FSD1L: variants seen among roughly 807,000 people sequenced by gnomAD.
FSD1L encodes FSD1-like protein.
Under a neutral mutation model 71.6 loss-of-function variants are expected in FSD1L, and 45 were observed. The observed-to-expected ratio is 0.63, with a 90% confidence interval of 0.49 to 0.81. The LOEUF (loss-of-function observed/expected upper bound fraction) is 0.81, where lower values mean the gene tolerates loss of function less well. Among genes scored for constraint, FSD1L ranks in the 30% least tolerant of loss-of-function variants. The probability of loss-of-function intolerance (pLI) is 0.00; values close to 1 mark genes in which losing one functional copy is unlikely to be tolerated. For synonymous variants in FSD1L, 197 were observed against 207.2 expected (o/e 0.95, Z 0.42); for missense variants, 561 against 618.1 (o/e 0.91, Z 0.98).
chr9:105,485,850 A>T (rs898267740), intron 7 of FSD1L, among the ~76,000 whole-genome samples: 1 of 151,836 alleles, frequency 6.6e-6, no homozygotes, highest in Non-Finnish European at 1.5e-5. Flanking sequence ...TCACCATGTT[A>T]GCCTGGATGG....
chr9:105,529,390 T>TA (rs1835746749), intron 10 of FSD1L, among the ~76,000 whole-genome samples: 3 of 152,128 alleles, frequency 2.0e-5, no homozygotes, highest in African/African-American at 7.2e-5. Flanking sequence ...CCATCAATGA[T>TA]AGACTGGATA....
chr9:105,445,881 TG>T (rs558791965), upstream of FSD1L, among the ~76,000 whole-genome samples: 7 of 152,296 alleles, frequency 4.6e-5, 1 homozygote, highest in South Asian at 1.5e-3. Context: ...TTTGAAGGAC[TG>T]CATGCCACTA....
chr9:105,468,172 T>G, intron 3 of FSD1L, 21 bp from the exon 4 acceptor site: 1 of 1,357,182 alleles, frequency 7.4e-7, no homozygotes, highest in East Asian at 3.1e-5. Flanking sequence ...GTAAAATTGT[T>G]TTGTTTTGTT....
chr9:105,523,941 C>G (rs1055498335), intron 10 of FSD1L: 40 of 1,591,010 alleles, frequency 2.5e-5, no homozygotes, highest in Middle Eastern at 2.2e-4. Flanking sequence ...TCTCAATGCA[C>G]CAAGAGTAGA....
rs11320443 is a variant in FSD1L, at chr9:105,508,174, CTTT to C, written c.797-424_797-422del. ...CCACTGCGCCCGACCACATATCACT[CTTT>C]TTTTTTTTTTTTTTTTTTGAGACAG... On this transcript the variant is annotated intron_variant, in intron 8 of 13. Coordinates refer to ENST00000481272, the MANE Select transcript of FSD1L (RefSeq NM_001145313.3). Among the ~76,000 whole-genome samples, 30 of 100,464 alleles carry C rather than the reference CTTT, an allele frequency of 3.0e-4. No individual in the cohort carries two copies. The South Asian group carries it at 5.2e-3, about 17-fold the overall frequency. The allele number at this position is 100,464 out of a possible 152,430, so 65.9% of individuals were successfully genotyped here. A position where few individuals can be genotyped will look rare whatever the true frequency, so the allele number is the denominator to read the frequency against.
intron 7 of FSD1L, among the ~76,000 whole-genome samples, chr9:105,504,847 G>A (rs1319305379): frequency 2.0e-5 from 3 of 152,148 alleles, no homozygotes; most frequent in South Asian, 4.1e-4. Flanking sequence ...GATTGAATCC[G>A]TGGATACAGA....
At chr9:105,477,287 A>G (rs1036441889) in intron 5 of FSD1L, among the ~76,000 whole-genome samples, 18 of 152,222 alleles carry the variant, frequency 1.2e-4, no homozygotes, top group African/African-American at 1.7e-4. Flanking sequence ...AAAAAAACTG[A>G]TAAGAGGCCA....
intron 7 of FSD1L, among the ~76,000 whole-genome samples, chr9:105,494,941 G>T (rs1301141573): frequency 1.3e-5 from 2 of 152,178 alleles, no homozygotes; most frequent in South Asian, 4.1e-4. Context: ...TAGGCTGCTC[G>T]GGGGTCAGGG....
rs781302444 is a variant in FSD1L, at chr9:105,468,271, A to G, written c.286A>G (p.Ser96Gly). The change falls in exon 4 of 14, where the codon AGT becomes GGT. Residue 96 changes from serine to glycine, a missense_variant. Physicochemically the swap from Ser to Gly is moderately conservative, Grantham distance 56 (BLOSUM62 0). Transcript: ENST00000481272. ...CTCTATACTGGATGAAGTAAAAGAA[A>G]GTATGATTAACTGTATCAAGCAGGA... is the stretch of plus-strand genomic sequence containing the variant. ...LYSILDEVKE[S>G]MINCIKQEQA... 24 of 1,487,036 alleles carry G rather than the reference A, an allele frequency of 1.6e-5. No individual in the cohort carries two copies. Among genetic ancestry groups the G allele is most frequent in the Admixed American group, 2.8e-5 (1 of 35,682 alleles). 92.1% of individuals were successfully genotyped at this position (1,487,036 alleles called of 1,614,324 possible). A position where few individuals can be genotyped will look rare whatever the true frequency, so the allele number is the denominator to read the frequency against.
chr9:105,541,527 T>C (rs1836615784), intron 13 of FSD1L, among the ~76,000 whole-genome samples: 1 of 152,202 alleles, frequency 6.6e-6, no homozygotes, highest in Admixed American at 6.5e-5. Flanking sequence ...TATATTAGTA[T>C]ATGTCATAAG....
Position 105,459,273 on chromosome 9 carries a change from T to A in FSD1L, c.16-2247T>A, listed in dbSNP as rs376296695. 4.6e-5 allele frequency among the ~76,000 whole-genome samples: 7 copies of A among 152,334 alleles called. 1 individual carries two copies. Among genetic ancestry groups the A allele is most frequent in the African/African-American group, 1.7e-4 (7 of 41,566 alleles). ...ATATGTTTTGGTGCTGTGGTGGTAGTTTTGTCTTAAATATTCTGATTCCTT... is the reference window on the plus strand; with the variant it reads ...ATATGTTTTGGTGCTGTGGTGGTAGATTTGTCTTAAATATTCTGATTCCTT... On this transcript the variant is annotated intron_variant, in intron 1 of 13. Transcript: ENST00000481272.
chr9:105,543,365 A>G (rs1433088154), intron 13 of FSD1L, among the ~76,000 whole-genome samples: 3 of 152,184 alleles, frequency 2.0e-5, no homozygotes, highest in Non-Finnish European at 2.9e-5. Context: ...TGTGTCCCAA[A>G]TCTTATGTCT....
chr9:105,528,166 C>G (rs1281178423), intron 10 of FSD1L, among the ~76,000 whole-genome samples: 1 of 152,286 alleles, frequency 6.6e-6, no homozygotes, highest in South Asian at 2.1e-4. Flanking sequence ...GAAAAACATT[C>G]CATGCTCATG....
intron 9 of FSD1L, among the ~76,000 whole-genome samples, chr9:105,510,869 C>T (rs1007384188): frequency 6.6e-6 from 1 of 152,032 alleles, no homozygotes; most frequent in Non-Finnish European, 1.5e-5. Flanking sequence ...ACATATGAAA[C>T]ATATCTGTAC....
chr9:105,491,980 C>T (rs1272437819), intron 7 of FSD1L, among the ~76,000 whole-genome samples: 4 of 151,958 alleles, frequency 2.6e-5, no homozygotes, highest in African/African-American at 4.8e-5. Context: ...TGTGTCTCTG[C>T]CCGGCTTTGG....
intron 10 of FSD1L, among the ~76,000 whole-genome samples, chr9:105,533,785 C>T (rs1329854036): frequency 6.7e-6 from 1 of 149,422 alleles, no homozygotes; most frequent in Admixed American, 6.7e-5. Context: ...TGCAATGGTG[C>T]AATCATGGCT....
rs1224129903 is a variant in FSD1L, at chr9:105,523,182, T to C, written c.1025+10246T>C. ...AAGCAGTCTTAATCAGCAAGCTTTC[T>C]CTGCTGAAGTTGCAACTATTACTGG... is the stretch of plus-strand genomic sequence containing the variant. On this transcript the variant is annotated intron_variant, in intron 10 of 13. Coordinates refer to ENST00000481272, the MANE Select transcript of FSD1L (RefSeq NM_001145313.3). The C allele has an allele frequency of 6.2e-6, 10 of 1,613,544 alleles. No homozygotes were observed. In the Admixed American group the frequency reaches 1.7e-4, roughly 27 times the overall value.
chr9:105,505,467 G>T (rs974951651), intron 7 of FSD1L, among the ~76,000 whole-genome samples: 1 of 152,254 alleles, frequency 6.6e-6, no homozygotes, highest in East Asian at 1.9e-4. Flanking sequence ...CACTATGTTG[G>T]TCAGGCTGGT....
Position 105,494,697 on chromosome 9 carries a change from G to A in FSD1L, c.586+10195G>A, listed in dbSNP as rs1356094227. Among the ~76,000 whole-genome samples, 4 of 152,244 alleles carry A rather than the reference G, an allele frequency of 2.6e-5. No homozygotes were observed. In the East Asian group the frequency reaches 7.7e-4, roughly 29 times the overall value. On this transcript the variant is annotated intron_variant, in intron 7 of 13. Coordinates refer to ENST00000481272, the MANE Select transcript of FSD1L (RefSeq NM_001145313.3). ...GGTTTTTGGCGTGGATGTCCTTTCT[G>A]CTTGTTAGTTTTCCTTCTAACAGAC... is the stretch of plus-strand genomic sequence containing the variant.
Sources: allele counts gnomAD v4.1 joint callset (sites outside exome capture counted in the v4.1 genomes callset), GRCh38; gene constraint gnomAD v4.1.1; transcripts MANE v1.5; gene names NCBI Gene and HGNC (gene_info 2026-07-23, HGNC 2026-07-21).